Variants in CARD14 observed in about 807,000 individuals in gnomAD.
CARD14 encodes the protein caspase recruitment domain-containing protein 14.
In CARD14, 107 loss-of-function variants were observed where a neutral mutation model predicts 111.5. The ratio of observed to expected loss-of-function variants is 0.96; its 90% CI spans 0.82 to 1.13. The LOEUF (loss-of-function observed/expected upper bound fraction) is 1.13. Among genes scored for constraint, CARD14 ranks in the 50% most tolerant of loss-of-function variants. The probability of loss-of-function intolerance (pLI) is 0.00; values close to 1 mark genes in which losing one functional copy is unlikely to be tolerated. For synonymous variants in CARD14, 617 were observed against 579.6 expected (o/e 1.06, Z -0.93); for missense variants, 1,322 against 1,362.3 (o/e 0.97, Z 0.47).
At chr17:80,174,315 C>A (rs375548124) in intron 2 of CARD14, among the ~76,000 whole-genome samples, 1 of 151,922 alleles carries the variant, frequency 6.6e-6, no homozygotes, top group Non-Finnish European at 1.5e-5. Flanking sequence ...CGGGTTTAAG[C>A]GATTCTCCTG....
chr17:80,193,192 T>C (rs577703816), intron 12 of CARD14, among the ~76,000 whole-genome samples: 1 of 152,328 alleles, frequency 6.6e-6, no homozygotes, highest in South Asian at 2.1e-4. Flanking sequence ...AGGGTGGACA[T>C]GAGTTTCCAG....
At chr17:80,190,744 T>C in intron 9 of CARD14, 30 bp from the exon 10 acceptor site, 2 of 1,612,676 alleles carry the variant, frequency 1.2e-6, no homozygotes, top group Non-Finnish European at 1.7e-6. Context: ...GCTGCTGAGC[T>C]TCACGGTCCA....
chr17:80,209,246 T>C lies in CARD14; in HGVS notation c.*901T>C. 4.5e-6 allele frequency: 4 copies of C among 886,452 alleles called. No homozygotes were observed. Among genetic ancestry groups the C allele is most frequent in the Non-Finnish European group, 5.4e-6 (4 of 739,448 alleles). The allele number at this position is 886,452 out of a possible 1,614,324, so 54.9% of individuals were successfully genotyped here. A position where few individuals can be genotyped will look rare whatever the true frequency, so the allele number is the denominator to read the frequency against. On this transcript the variant is annotated 3_prime_UTR_variant, in exon 24 of 24. Transcript: ENST00000648509. ...GCAGTGTCCAAGAATCAGGAAGCTG[T>C]TCTAGAATTCAGGTTGGTATCATCA... is the stretch of plus-strand genomic sequence containing the variant.
chr17:80,188,528 C>A lies in CARD14; in HGVS notation c.827C>A (p.Ser276Ter), dbSNP rs149318654. 121 of 1,517,264 alleles carry A rather than the reference C, an allele frequency of 8.0e-5. No individual in the cohort carries two copies. Among genetic ancestry groups the A allele is most frequent in the Admixed American group, 3.0e-4 (14 of 46,876 alleles). The allele number at this position is 1,517,264 out of a possible 1,614,324, so 94.0% of individuals were successfully genotyped here. The change falls in exon 8 of 24, where the codon TCG (serine) becomes TAG (stop). Residue 276 changes from serine (S) to a stop codon, truncating the protein, a stop_gained. Transcript: ENST00000648509. LOFTEE classifies it high-confidence loss of function. This position sits in a 1 kb window ranked among gnomAD's most constrained non-coding sequence, Gnocchi z 4.5. ...RLKEENEKLR[S>*]LTFSLAEKDI... Reference sequence around the variant, plus strand: ...AAGGAGGAGAATGAGAAACTGCGCTCGCTGACTTTCAGCCTGGTAGGTTCC... The same window carrying A: ...AAGGAGGAGAATGAGAAACTGCGCTAGCTGACTTTCAGCCTGGTAGGTTCC...
At chr17:80,183,494 G>C (rs889385546) in intron 6 of CARD14, among the ~76,000 whole-genome samples, 7 of 152,180 alleles carry the variant, frequency 4.6e-5, no homozygotes, top group Non-Finnish European at 8.8e-5. Context: ...TACCGAGGAG[G>C]GTCATTAAGT....
chr17:80,195,614 G>A lies in CARD14; in HGVS notation c.1556G>A (p.Gly519Asp). 1.2e-6 allele frequency: 2 copies of A among 1,613,508 alleles called. No homozygotes were observed. The highest frequency in any genetic ancestry group is 1.7e-6 in the Non-Finnish European group (2 of 1,179,914). The change falls in exon 14 of 24, where the codon GGC becomes GAC. Residue 519 changes from glycine (G) to aspartate (D), a missense_variant. Gly to Asp is a moderately conservative substitution (Grantham distance 94, BLOSUM62 -1). Coordinates refer to ENST00000648509, the MANE Select transcript of CARD14 (RefSeq NM_001366385.1). This position sits in a 1 kb window ranked among gnomAD's most constrained non-coding sequence, Gnocchi z 4.7. ...DPGALPGAKA[G>D]DPHLDYELLD... Reference sequence around the variant, plus strand: ...GGAGCCCTGCCGGGAGCTAAGGCAGGCGACCCACACCTGGATTATGAGCTC... The same window carrying A: ...GGAGCCCTGCCGGGAGCTAAGGCAGACGACCCACACCTGGATTATGAGCTC...
intron 12 of CARD14, among the ~76,000 whole-genome samples, chr17:80,193,794 G>T (rs2040610689): frequency 6.6e-6 from 1 of 152,084 alleles, no homozygotes; most frequent in Non-Finnish European, 1.5e-5. Flanking sequence ...GTCGGTGCTG[G>T]GCCTCCCTGG....
chr17:80,196,986 CAA>C (rs2040737222), intron 14 of CARD14: 1 of 152,444 alleles, frequency 6.6e-6, no homozygotes, highest in African/African-American at 2.4e-5. Context: ...ATCATGAGCT[CAA>C]GAGATCGAGA....
intron 9 of CARD14, among the ~76,000 whole-genome samples, chr17:80,190,157 A>G (rs902704864): frequency 1.3e-5 from 2 of 152,094 alleles, no homozygotes; most frequent in Non-Finnish European, 2.9e-5. Flanking sequence ...GGGAACGGGG[A>G]GGAAAGGAGA....
intron 2 of CARD14, among the ~76,000 whole-genome samples, chr17:80,174,086 A>G (rs1200442170): frequency 6.6e-6 from 1 of 152,164 alleles, no homozygotes; most frequent in Non-Finnish European, 1.5e-5. Context: ...ACCTGTAATC[A>G]TTGCACTTAG....
rs930318595 is a variant in CARD14 at position 80,182,296 on chromosome 17, C to T, written c.212-357C>T. Among the ~76,000 whole-genome samples, 1 of 152,196 alleles carries T rather than the reference C, an allele frequency of 6.6e-6. No homozygotes were observed. Among genetic ancestry groups the T allele is most frequent in the African/African-American group, 2.4e-5 (1 of 41,440 alleles). On this transcript the variant is annotated intron_variant, in intron 5 of 23. Coordinates refer to ENST00000648509, the MANE Select transcript of CARD14 (RefSeq NM_001366385.1). The surrounding 1 kb of genome is among the most constrained non-coding windows in gnomAD (Gnocchi z 4.7). ...AAGCTGACAGCACCGTGGTGGGACC[C>T]TGCGTCTGCATCACCCACCAGCTTG...
intron 2 of CARD14, among the ~76,000 whole-genome samples, chr17:80,177,263 C>G (rs867795104): frequency 6.6e-6 from 1 of 151,930 alleles, no homozygotes; most frequent in African/African-American, 2.4e-5. Flanking sequence ...GGGTCTTGCT[C>G]TGTCGTCCAG....
chr17:80,205,811 A>G (rs1410913888), intron 22 of CARD14, 159 bp downstream of exon 22: 4 of 643,104 alleles, frequency 6.2e-6, no homozygotes, highest in African/African-American at 1.9e-5. Context: ...CCCAAAACTC[A>G]TCTCAGCCAG....
chr17:80,177,329 C>T (rs539497253), intron 2 of CARD14, among the ~76,000 whole-genome samples: 1 of 152,200 alleles, frequency 6.6e-6, no homozygotes, highest in East Asian at 1.9e-4. Flanking sequence ...CAGGCTCAAG[C>T]GATCCTCCCA....
At chr17:80,190,014 G>C (rs1040266420) in intron 9 of CARD14, 142 bp downstream of exon 9, 7 of 1,196,838 alleles carry the variant, frequency 5.8e-6, no homozygotes, top group African/African-American at 4.9e-5. Flanking sequence ...CTGTTCATCT[G>C]TCCCTTTGTC....
In CARD14 at chr17:80,182,709, G is replaced by A; in HGVS notation, c.268G>A (p.Glu90Lys). 6.2e-7 allele frequency: 1 copy of A among 1,614,078 alleles called. No homozygotes were observed. The highest frequency in any genetic ancestry group is 1.1e-5 in the South Asian group (1 of 91,076). ...GAAGAACGGGGCCATCGCCTTCCTGGAGAGCCTGAAGTTCCACAACCCTGA... is the reference window on the plus strand; with the variant it reads ...GAAGAACGGGGCCATCGCCTTCCTGAAGAGCCTGAAGTTCCACAACCCTGA... ...RGKNGAIAFL[E>K]SLKFHNPDVY... Residue 90 changes from glutamate (E) to lysine (K), a missense_variant, in exon 6 of 24, where the codon GAG becomes AAG. Physicochemically the swap from Glu to Lys is moderately conservative, Grantham distance 56 (BLOSUM62 1). Coordinates refer to ENST00000648509, the MANE Select transcript of CARD14 (RefSeq NM_001366385.1). The surrounding 1 kb of genome is among the most constrained non-coding windows in gnomAD (Gnocchi z 4.7).
At chr17:80,171,437 G>T (rs1439804984) in intron 1 of CARD14, among the ~76,000 whole-genome samples, 1 of 148,874 alleles carries the variant, frequency 6.7e-6, no homozygotes, top group Non-Finnish European at 1.5e-5. Flanking sequence ...TCCTGCCTTG[G>T]CCTCCAAAGT....
chr17:80,188,360 G>C lies in CARD14; in HGVS notation c.676-17G>C. 1.2e-6 allele frequency: 2 copies of C among 1,602,970 alleles called. No homozygotes were observed. The highest frequency in any genetic ancestry group is 1.7e-6 in the Non-Finnish European group (2 of 1,174,998). ...AGCTGTTTCCATCGCCCTTCCTGTC[G>C]CCTCCCCACCGCACAGCTGTATCTA... On this transcript the variant is annotated splice_polypyrimidine_tract_variant and intron_variant, in intron 7 of 23. Transcript: ENST00000648509. The surrounding 1 kb of genome is among the most constrained non-coding windows in gnomAD (Gnocchi z 4.5).
Position 80,181,618 on chromosome 17 carries a change from C to T in CARD14, c.180C>T (p.Ser60=), listed in dbSNP as rs983653572. Residue 60 remains serine, a synonymous_variant, in exon 5 of 24, where the codon AGC becomes AGT. Transcript: ENST00000648509. ...CQLDEEEVLH[S]PRLTNSAMRA... is the part of the protein sequence containing the mutation. Reference sequence around the variant, plus strand: ...TGGACGAGGAGGAGGTGCTGCACAGCCCCCGGCTCACCAACAGCGCCATGC... The same window carrying T: ...TGGACGAGGAGGAGGTGCTGCACAGTCCCCGGCTCACCAACAGCGCCATGC... 1.0e-5 allele frequency: 16 copies of T among 1,553,526 alleles called. No homozygotes were observed. The highest frequency in any genetic ancestry group is 1.3e-5 in the Non-Finnish European group (15 of 1,148,990).
Sources: allele counts gnomAD v4.1 joint callset (sites outside exome capture counted in the v4.1 genomes callset), GRCh38; gene constraint gnomAD v4.1.1; non-coding constraint Gnocchi (gnomAD v3.1); transcripts MANE v1.5; gene names NCBI Gene and HGNC (gene_info 2026-07-23, HGNC 2026-07-21).